MAP4: variants seen among roughly 807,000 people sequenced by gnomAD.
The protein encoded by MAP4 is microtubule-associated protein 4.
In MAP4, 76 loss-of-function variants were observed where a neutral mutation model predicts 170.2. The observed-to-expected ratio is 0.45, with a 90% CI of 0.37 to 0.54. The LOEUF is 0.54. MAP4 is among the 20% of genes least tolerant of loss of function. The probability of loss-of-function intolerance (pLI) is 0.00; values close to 1 mark genes in which losing one functional copy is unlikely to be tolerated. For missense variants in MAP4, 2,506 were observed against 2,748.0 expected, an observed-to-expected ratio of 0.91 and a Z score of 1.97; for synonymous variants, 909 against 994.5, an observed-to-expected ratio of 0.91 and a Z score of 1.62.
At chr3:48,017,176 A>G (rs750999903), upstream of MAP4, among the ~76,000 whole-genome samples, 7 of 152,196 alleles carry the variant, frequency 4.6e-5, no homozygotes, top group African/African-American at 1.7e-4. Context: ...GTCACTTACA[A>G]ATGAGGCTGA....
chr3:47,887,554 C>T (rs548176183), intron 10 of MAP4, among the ~76,000 whole-genome samples: 1 of 152,352 alleles, frequency 6.6e-6, no homozygotes, highest in East Asian at 1.9e-4. Flanking sequence ...TCCACGGCGC[C>T]CAGTCCCATC....
chr3:48,029,994 A>T (rs1020813825), intron 1 of MAP4, among the ~76,000 whole-genome samples: 4 of 147,858 alleles, frequency 2.7e-5, no homozygotes, highest in African/African-American at 9.8e-5. Context: ...ATCTCAAAAA[A>T]AAAAATATAT....
intron 17 of MAP4, among the ~76,000 whole-genome samples, chr3:47,859,154 A>G (rs2061627540): frequency 6.6e-6 from 1 of 152,058 alleles, no homozygotes; most frequent in African/African-American, 2.4e-5. Context: ...TGCATCTTTA[A>G]GTCTATAGCC....
chr3:47,995,973 C>T (rs532454081), intron 2 of MAP4, among the ~76,000 whole-genome samples: 1 of 152,288 alleles, frequency 6.6e-6, no homozygotes, highest in South Asian at 2.1e-4. Context: ...AATCCACAGA[C>T]ACAAAGGGAA....
chr3:48,065,776 C>T (rs939912120), intron 1 of MAP4, among the ~76,000 whole-genome samples: 1 of 152,104 alleles, frequency 6.6e-6, no homozygotes, highest in African/African-American at 2.4e-5. Context: ...CAGATATTAA[C>T]ACCAAGGCTA....
chr3:47,905,731 T>C (rs1323638814), intron 9 of MAP4, among the ~76,000 whole-genome samples: 1 of 151,660 alleles, frequency 6.6e-6, no homozygotes, highest in Non-Finnish European at 1.5e-5. Flanking sequence ...TGGTAGCTCA[T>C]GCCTGTAATC....
chr3:47,901,052 T>G (rs1438741685), intron 10 of MAP4, among the ~76,000 whole-genome samples: 1 of 152,230 alleles, frequency 6.6e-6, no homozygotes, highest in Non-Finnish European at 1.5e-5. Context: ...TCACTATGCA[T>G]GCCTTTACAC....
At chr3:47,969,376 A>AC (rs2100077124) in intron 3 of MAP4, among the ~76,000 whole-genome samples, 1 of 151,488 alleles carries the variant, frequency 6.6e-6, no homozygotes, top group Non-Finnish European at 1.5e-5. Flanking sequence ...ATTGCACTCC[A>AC]GCCTGGGCAA....
chr3:47,952,857 G>C (rs564715352), intron 3 of MAP4, among the ~76,000 whole-genome samples: 2 of 152,002 alleles, frequency 1.3e-5, no homozygotes, highest in Admixed American at 6.5e-5. Context: ...TTTGGAGGCA[G>C]AGGTTGTAGT....
At chr3:48,046,292 GCA>G (rs2100124555) in intron 1 of MAP4, among the ~76,000 whole-genome samples, 1 of 152,068 alleles carries the variant, frequency 6.6e-6, no homozygotes, top group Admixed American at 6.6e-5. Context: ...CCCATGCTTT[GCA>G]CAGTTGTTAC....
At chr3:48,030,487 A>AAAAT (rs1491034568) in intron 1 of MAP4, among the ~76,000 whole-genome samples, 27 of 22,312 alleles carry the variant, frequency 1.2e-3, no homozygotes, top group African/African-American at 2.3e-3. Context: ...AATAAAAATA[A>AAAAT]AAAAAAAAAA....
At chr3:47,933,603 T>G (rs1226989092) in intron 3 of MAP4, among the ~76,000 whole-genome samples, 1 of 143,888 alleles carries the variant, frequency 6.9e-6, no homozygotes, top group Non-Finnish European at 1.5e-5. Context: ...CTGCCCAGCT[T>G]TTTTTTTTTT....
At chr3:47,882,362 TTC>T (rs1260111787) in intron 10 of MAP4, among the ~76,000 whole-genome samples, 5 of 152,196 alleles carry the variant, frequency 3.3e-5, no homozygotes, top group Non-Finnish European at 4.4e-5. Context: ...TTTTTATTTG[TTC>T]TCTCTTTTTC....
intron 10 of MAP4, among the ~76,000 whole-genome samples, chr3:47,885,112 T>C (rs1251801959): frequency 6.6e-6 from 1 of 152,178 alleles, no homozygotes; most frequent in Non-Finnish European, 1.5e-5. Context: ...TTTTTGGCAA[T>C]AGAGAACAGA....
chr3:48,051,355 T>G (rs1415119394), intron 1 of MAP4, among the ~76,000 whole-genome samples: 1 of 152,124 alleles, frequency 6.6e-6, no homozygotes, highest in Non-Finnish European at 1.5e-5. Context: ...GAGGCTGCAG[T>G]GAGACAGAGC....
At position 47,858,614 on chromosome 3, in the gene MAP4, T is replaced by TGTGTGTGC. The variant is rs1491506129; in HGVS notation, c.6502-1103_6502-1102insGCACACAC. 2.7e-3 allele frequency among the ~76,000 whole-genome samples: 372 copies of TGTGTGTGC among 138,504 alleles called. 2 individuals are homozygous for TGTGTGTGC. In the South Asian group the frequency reaches 0.034, roughly 13 times the overall value. 90.9% of individuals were successfully genotyped at this position (138,504 alleles called of 152,430 possible). A position where few individuals can be genotyped will look rare whatever the true frequency, so the allele number is the denominator to read the frequency against. ...GTGTGTGTGTGTGTGTGTGTGTGTG[T>TGTGTGTGC]GCGCGTTGTGTGTGTGTGTGTGTGT... On this transcript the variant is annotated intron_variant, in intron 17 of 20. Transcript: ENST00000683076.
chr3:47,988,358 G>A (rs1188831767), intron 2 of MAP4, among the ~76,000 whole-genome samples: 2 of 152,080 alleles, frequency 1.3e-5, no homozygotes, highest in African/African-American at 4.8e-5. Flanking sequence ...AGAGGTAACT[G>A]TGACAGCAGT....
chr3:47,867,241 C>T lies in MAP4; in HGVS notation c.6501+5G>A. The T allele has an allele frequency of 6.2e-7, 1 of 1,602,274 alleles. No individual in the cohort carries two copies. The highest frequency in any genetic ancestry group is 8.5e-7 in the Non-Finnish European group (1 of 1,169,692). ...AGATGCCAGCTAACCAGAGCTTATA[C>T]TTACATTACCACCTCCAGGGACATG... On this transcript the variant is annotated splice_donor_5th_base_variant and intron_variant, in intron 17 of 20. Coordinates refer to ENST00000683076, the MANE Select transcript of MAP4 (RefSeq NM_001385682.1).
At chr3:48,078,816 C>A (rs937207308) in intron 1 of MAP4, among the ~76,000 whole-genome samples, 4 of 152,102 alleles carry the variant, frequency 2.6e-5, no homozygotes, top group Non-Finnish European at 4.4e-5. Context: ...GATTTCTATT[C>A]CTAAAAGAGA....
Sources: allele counts gnomAD v4.1 joint callset (sites outside exome capture counted in the v4.1 genomes callset), GRCh38; gene constraint gnomAD v4.1.1; transcripts MANE v1.5; gene names NCBI Gene and HGNC (gene_info 2026-07-23, HGNC 2026-07-21).